The following MOB4 variants were observed in gnomAD, a reference collection of about 807,000 sequenced individuals.
MOB4 encodes the protein MOB-like protein phocein.
In MOB4, 4 loss-of-function variants were observed where a neutral mutation model predicts 32.2. The observed-to-expected ratio is 0.12, with a 90% CI of 0.06 to 0.28. MOB4 has a LOEUF of 0.28. Among genes scored for constraint, MOB4 ranks in the 10% least tolerant of loss-of-function variants. MOB4 has a pLI of 1.00. For missense variants in MOB4, 158 were observed against 271.2 expected (o/e 0.58, Z 2.93); for synonymous variants, 88 against 88.1 (o/e 1.00, Z 0.01).
At chr2:197,515,850 C>T, upstream of MOB4, 2 of 538,570 alleles carry the variant, frequency 3.7e-6, no homozygotes, top group East Asian at 3.5e-5. Context: ...TCGTGGCGCC[C>T]GCCTTCCGGT....
chr2:197,515,818 C>T (rs1574617466), upstream of MOB4: 1 of 520,092 alleles, frequency 1.9e-6, no homozygotes, highest in Non-Finnish European at 3.4e-6. Context: ...TTCAAACCGC[C>T]CCGCAGCCCT....
At chr2:197,540,062 T>C (rs888378815) in intron 3 of MOB4, 49 bp from the exon 4 acceptor site, 1 of 1,545,644 alleles carries the variant, frequency 6.5e-7, no homozygotes, top group South Asian at 1.3e-5. Flanking sequence ...TTCTAAAAAT[T>C]GCTGTGAAGA....
intron 1 of MOB4, among the ~76,000 whole-genome samples, chr2:197,522,705 T>C (rs2086543487): frequency 6.6e-6 from 1 of 151,994 alleles, no homozygotes; most frequent in South Asian, 2.1e-4. Flanking sequence ...GAATAATAAT[T>C]TATAATTTCT....
chr2:197,540,271 A>T, intron 4 of MOB4, 80 bp from the exon 5 acceptor site: 2 of 1,476,772 alleles, frequency 1.4e-6, no homozygotes, highest in South Asian at 1.4e-5. Context: ...TCTAGAATTT[A>T]TTATGGAAAT....
At position 197,516,125 on chromosome 2, in the gene MOB4, C is replaced by T. The variant is rs1175273843; in HGVS notation, c.39C>T (p.Asn13=). Residue 13 remains asparagine (N), a synonymous_variant, in exon 1 of 8, where the codon AAC becomes AAT. Coordinates refer to ENST00000323303, the MANE Select transcript of MOB4 (RefSeq NM_015387.5). ...AGGGGACGGCAGTGCTGAGGCGGAA[C>T]AGGCCGGGCACCAAGGCGCAGGTAC... ...MAEGTAVLRR[N]RPGTKAQDFY... is the part of the protein sequence containing the mutation. The T allele has an allele frequency of 1.2e-6, 2 of 1,604,500 alleles. No individual in the cohort carries two copies. The highest frequency in any genetic ancestry group is 2.2e-5 in the South Asian group (2 of 89,144).
chr2:197,525,709 C>CAAAAAA (rs368659222), intron 2 of MOB4, among the ~76,000 whole-genome samples: 9 of 64,590 alleles, frequency 1.4e-4, no homozygotes, highest in Non-Finnish European at 1.0e-4. Flanking sequence ...GACCCTATCT[C>CAAAAAA]AAAAAAAAAA....
At chr2:197,533,371 A>G (rs1004116203) in intron 2 of MOB4, among the ~76,000 whole-genome samples, 3 of 152,152 alleles carry the variant, frequency 2.0e-5, no homozygotes, top group Non-Finnish European at 2.9e-5. Flanking sequence ...ACTTTGAAAC[A>G]TTAGGATGAG....
Position 197,540,329 on chromosome 2 carries a change from GAA to G in MOB4, c.268-20_268-19del. The stretch of plus-strand genomic sequence containing the variant: ...TTTTCATTATTATTTTACATATTAA[GAA>G]ATATAATTATTTTTAACAGAGTGAA... On this transcript the variant is annotated intron_variant, in intron 4 of 7. Coordinates refer to ENST00000323303, the MANE Select transcript of MOB4 (RefSeq NM_015387.5). 1 of 1,518,686 alleles carries G rather than the reference GAA, an allele frequency of 6.6e-7. No individual in the cohort carries two copies. The allele number at this position is 1,518,686 out of a possible 1,614,324, so 94.1% of individuals were successfully genotyped here.
intron 5 of MOB4, among the ~76,000 whole-genome samples, chr2:197,545,458 G>A (rs2106135717): frequency 6.6e-6 from 1 of 152,186 alleles, no homozygotes; most frequent in South Asian, 2.1e-4. Flanking sequence ...GCAGTTGGTT[G>A]AATCTGCAGA....
rs562739770 is a variant in MOB4, at chr2:197,520,019, C to T, written c.61-3605C>T. On this transcript the variant is annotated intron_variant, in intron 1 of 7. Transcript: ENST00000323303. ...TTCAAAAAAGATGAAATGTTTAAGA[C>T]ACTTAAAAAGGTGTACTCATTACCT... Among the ~76,000 whole-genome samples the T allele has an allele frequency of 5.9e-5, 9 of 152,194 alleles. No individual in the cohort carries two copies. The East Asian group carries it at 1.7e-3, about 29-fold the overall frequency.
chr2:197,529,932 G>A (rs563917355), intron 2 of MOB4, among the ~76,000 whole-genome samples: 9 of 152,160 alleles, frequency 5.9e-5, no homozygotes, highest in African/African-American at 9.6e-5. Flanking sequence ...GATTACAGGC[G>A]TGAGCCACCC....
intron 3 of MOB4, 98 bp downstream of exon 3, chr2:197,535,728 A>G: frequency 7.4e-7 from 1 of 1,342,986 alleles, no homozygotes; most frequent in Non-Finnish European, 1.0e-6. Context: ...GTAACTGCAG[A>G]CTAAGAAGCC....
rs572414838 is a variant in MOB4 at position 197,550,302 on chromosome 2, G to A, written c.462G>A (p.Ala154=). The A allele has an allele frequency of 6.2e-6, 10 of 1,613,186 alleles. No homozygotes were observed. Among genetic ancestry groups the A allele is most frequent in the African/African-American group, 2.7e-5 (2 of 74,966 alleles). ...SRVSIKESSV[A]KLGSVCRRIY... ...TTAGCATAAAGGAATCATCTGTAGCGAAACTAGGATCAGTATGCCGTAGGA... is the reference window on the plus strand; with the variant it reads ...TTAGCATAAAGGAATCATCTGTAGCAAAACTAGGATCAGTATGCCGTAGGA... Residue 154 remains alanine (A), a synonymous_variant, in exon 7 of 8, where the codon GCG becomes GCA. Transcript: ENST00000323303.
At position 197,522,728 on chromosome 2, in the gene MOB4, A is replaced by G. The variant is rs190314489; in HGVS notation, c.61-896A>G. Among the ~76,000 whole-genome samples the G allele has an allele frequency of 2.3e-3, 347 of 152,164 alleles. 1 individual carries two copies. The highest frequency in any genetic ancestry group is 8.0e-3 in the African/African-American group (331 of 41,522). ...ATTTATAATTTCTTTTTAAAATAATACTTATGGGTCGATCATGGTGGCTCA... is the reference window on the plus strand; with the variant it reads ...ATTTATAATTTCTTTTTAAAATAATGCTTATGGGTCGATCATGGTGGCTCA... On this transcript the variant is annotated intron_variant, in intron 1 of 7. Transcript: ENST00000323303.
intron 2 of MOB4, among the ~76,000 whole-genome samples, chr2:197,534,645 C>T (rs1022153901): frequency 7.2e-5 from 11 of 152,090 alleles, no homozygotes; most frequent in African/African-American, 2.7e-4. Context: ...CGGGTCCAAG[C>T]GATTCTCTTG....
At position 197,518,755 on chromosome 2, in the gene MOB4, T is replaced by C. The variant is rs572619956; in HGVS notation, c.60+2609T>C. Among the ~76,000 whole-genome samples, 77 of 151,690 alleles carry C rather than the reference T, an allele frequency of 5.1e-4. 2 individuals carry two copies. In the South Asian group the frequency reaches 8.3e-3, roughly 16 times the overall value. On this transcript the variant is annotated intron_variant, in intron 1 of 7. Coordinates refer to ENST00000323303, the MANE Select transcript of MOB4 (RefSeq NM_015387.5). ...TTTTATTTTTATTTTTATTTTTATT[T>C]ATTTTATTTTATTTTTTGAGACAAG...
chr2:197,523,746 T>C (rs2086561161), intron 2 of MOB4, 60 bp downstream of exon 2: 2 of 1,513,532 alleles, frequency 1.3e-6, no homozygotes, highest in South Asian at 1.3e-5. Flanking sequence ...TAAGTGCCCA[T>C]TGGGTGGCCT....
chr2:197,522,323 CTTTTTTTTT>C (rs57163165), intron 1 of MOB4, among the ~76,000 whole-genome samples: 4 of 66,492 alleles, frequency 6.0e-5, no homozygotes, highest in Middle Eastern at 0.03. Context: ...GGGTGATTAC[CTTTTTTTTT>C]TTTTTTTTTT....
intron 1 of MOB4, among the ~76,000 whole-genome samples, chr2:197,518,857 G>A (rs1301450210): frequency 1.4e-4 from 21 of 152,074 alleles, no homozygotes; most frequent in Admixed American, 1.2e-3. Context: ...CCGGGTTCAC[G>A]CTGTTCTTCT....
Sources: gnomAD v4.1 joint callset for allele counts (sites outside exome capture counted in the v4.1 genomes callset) on GRCh38, gnomAD v4.1.1 for gene constraint, MANE v1.5 for transcripts, NCBI Gene and HGNC (gene_info 2026-07-23, HGNC 2026-07-21) for gene names.